Variants in CARD14 observed in about 807,000 individuals in gnomAD.
The protein encoded by CARD14 is caspase recruitment domain family member 14, also known as caspase recruitment domain-containing protein 14.
CARD14 carries 107 observed loss-of-function variants against 111.5 expected under a neutral mutation model. The ratio of observed to expected loss-of-function variants is 0.96; its 90% confidence interval spans 0.82 to 1.13. The LOEUF is 1.13. Among genes scored for constraint, CARD14 ranks in the 50% most tolerant of loss-of-function variants. CARD14 has a pLI of 0.00. For synonymous variants in CARD14, 617 were observed against 579.6 expected (o/e 1.06, Z -0.93); for missense variants, 1,322 against 1,362.3 (o/e 0.97, Z 0.47).
chr17:80,204,203 A>T (rs1247562208), intron 19 of CARD14, 24 bp from the exon 20 acceptor site: 1 of 1,564,974 alleles, frequency 6.4e-7, no homozygotes, highest in South Asian at 1.2e-5. Context: ...GCTCCTCCTC[A>T]TCCTTTCTCT....
chr17:80,178,373 CGAGTT>C (rs1437176487), intron 2 of CARD14, 130 bp from the exon 3 acceptor site: 3 of 152,234 alleles, frequency 2.0e-5, no homozygotes, highest in Non-Finnish European at 4.4e-5. Flanking sequence ...AAAGGTCCGT[CGAGTT>C]ATTTCCCGGA....
intron 23 of CARD14, among the ~76,000 whole-genome samples, 171 bp from the exon 24 acceptor site, chr17:80,207,967 C>A (rs2041432484): frequency 6.6e-6 from 1 of 152,176 alleles, no homozygotes; most frequent in Non-Finnish European, 1.5e-5. Context: ...GTGTTCTAGA[C>A]AACCTGCCTC....
rs1301087634 is a variant in CARD14 at position 80,205,189 on chromosome 17, TAAG to T, written c.2557_2559del (p.Lys853del). On this transcript the variant is annotated inframe_deletion, in exon 21 of 24. Coordinates refer to ENST00000648509, the MANE Select transcript of CARD14 (RefSeq NM_001366385.1). The stretch of plus-strand genomic sequence containing the variant: ...AGAAACTGTGCCTCCTCCAAGGGTT[TAAG>T]AAGTGCCTGGCAGGTATGCTGTTGC... The T allele has an allele frequency of 1.9e-6, 3 of 1,613,032 alleles. No individual in the cohort carries two copies. In the South Asian group the frequency reaches 3.3e-5, roughly 18 times the overall value.
In CARD14 at chr17:80,195,688, C is replaced by T. The variant is rs779985657; in HGVS notation, c.1594+36C>T. 9.0e-6 allele frequency: 14 copies of T among 1,558,306 alleles called. No homozygotes were observed. The highest frequency in any genetic ancestry group is 3.5e-5 in the Admixed American group (2 of 56,568). On this transcript the variant is annotated intron_variant, in intron 14 of 23. Coordinates refer to ENST00000648509, the MANE Select transcript of CARD14 (RefSeq NM_001366385.1). The surrounding 1 kb of genome is among the most constrained non-coding windows in gnomAD (Gnocchi z 4.7). ...CCAACCCTGAACCTCCACAGCAGTC[C>T]ACCTCCCCTGGGCAGAGCAGGGAGC...
At chr17:80,186,738 C>T (rs1433535494) in intron 7 of CARD14, among the ~76,000 whole-genome samples, 1 of 152,044 alleles carries the variant, frequency 6.6e-6, no homozygotes, top group Non-Finnish European at 1.5e-5. Flanking sequence ...TTAGTAGAGA[C>T]GGGGTTTTGC....
rs778348484 is a variant in CARD14 at position 80,205,096 on chromosome 17, G to A, written c.2460G>A (p.Arg820=). Residue 820 remains arginine, a synonymous_variant, in exon 21 of 24, where the codon CGG becomes CGA. Coordinates refer to ENST00000648509, the MANE Select transcript of CARD14 (RefSeq NM_001366385.1). Reference sequence around the variant, plus strand: ...CCCTGGTGCCCTATACCCTGGTGCGGCCCCATCGACCCGCCCGGCCCCGGC... The same window carrying A: ...CCCTGGTGCCCTATACCCTGGTGCGACCCCATCGACCCGCCCGGCCCCGGC... ...CLTLVPYTLV[R]PHRPARPRPV... The A allele has an allele frequency of 1.9e-6, 3 of 1,613,374 alleles. No homozygotes were observed. Among genetic ancestry groups the A allele is most frequent in the Admixed American group, 1.7e-5 (1 of 59,974 alleles).
chr17:80,197,201 CAAT>C (rs1390653748), intron 14 of CARD14: 2 of 150,336 alleles, frequency 1.3e-5, no homozygotes, highest in African/African-American at 2.5e-5. Flanking sequence ...GTCTCAACAA[CAAT>C]AACAACAACA....
intron 16 of CARD14, among the ~76,000 whole-genome samples, chr17:80,199,798 C>G (rs2040877508): frequency 6.6e-6 from 1 of 151,464 alleles, no homozygotes; most frequent in African/African-American, 2.4e-5. Context: ...ATCACTTGAA[C>G]CTGGGAGGCG....
chr17:80,187,604 G>A (rs547535164), intron 7 of CARD14, among the ~76,000 whole-genome samples: 3 of 152,344 alleles, frequency 2.0e-5, no homozygotes, highest in African/African-American at 4.8e-5. Flanking sequence ...TGTGCTAACC[G>A]GGTGTCGGGA....
At position 80,198,601 on chromosome 17, in the gene CARD14, G is replaced by A. The variant is rs141266944; in HGVS notation, c.1851+10G>A. 3.1e-6 allele frequency: 5 copies of A among 1,611,272 alleles called. No homozygotes were observed. In the Admixed American group the frequency reaches 6.7e-5, roughly 21 times the overall value. ...CACCCAGATTGTGATGGTGAGCCGT[G>A]CGAGGCCCCTCCTGTCCCCCGGGCT... is the stretch of plus-strand genomic sequence containing the variant. On this transcript the variant is annotated intron_variant, in intron 16 of 23. Transcript: ENST00000648509. This position sits in a 1 kb window ranked among gnomAD's most constrained non-coding sequence, Gnocchi z 7.5.
At chr17:80,177,311 A>C (rs1430586873) in intron 2 of CARD14, among the ~76,000 whole-genome samples, 1 of 151,002 alleles carries the variant, frequency 6.6e-6, no homozygotes, top group Non-Finnish European at 1.5e-5. Context: ...TCTGCAACCT[A>C]CACCTCCCAG....
Position 80,189,801 on chromosome 17 carries a change from C to T in CARD14, c.892C>T (p.Arg298Ter), listed in dbSNP as rs772958714. 95 of 1,583,764 alleles carry T rather than the reference C, an allele frequency of 6.0e-5. No homozygotes were observed. The highest frequency in any genetic ancestry group is 7.9e-5 in the Non-Finnish European group (92 of 1,169,884). The change falls in exon 9 of 24, where the codon CGA (arginine) becomes TGA (stop). Residue 298 changes from arginine to a stop codon, truncating the protein, a stop_gained. Transcript: ENST00000648509. LOFTEE classifies it high-confidence loss of function. This position sits in a 1 kb window ranked among gnomAD's most constrained non-coding sequence, Gnocchi z 4.7. ...GAGCCTGGACGAGGCGCGGGGGAGC[C>T]GACAGGAGCTGGTGGAGCGCATCCA... Reference protein sequence around the residue: ...EQSLDEARGSRQELVERIHSL... With the variant: ...EQSLDEARGS
rs144710573 is a variant in CARD14 at position 80,195,310 on chromosome 17, C to T, written c.1476C>T (p.Phe492=). Residue 492 remains phenylalanine, a synonymous_variant, in exon 13 of 24, where the codon TTC becomes TTT. Transcript: ENST00000648509. This position sits in a 1 kb window ranked among gnomAD's most constrained non-coding sequence, Gnocchi z 4.7. ...TGTACAAGCGGGTGGCCGAGGACTT[C>T]GGGGAAGAACCCTGGTCTTTCAGGT... is the stretch of plus-strand genomic sequence containing the variant. ...QSLYKRVAED[F]GEEPWSFSSC... The T allele has an allele frequency of 1.1e-3, 1,763 of 1,612,350 alleles. 17 individuals are homozygous for T. The African/African-American group carries it at 0.015, about 14-fold the overall frequency.
At position 80,196,158 on chromosome 17, in the gene CARD14, T is replaced by A. The variant is rs116978647; in HGVS notation, c.1594+506T>A. The A allele has an allele frequency of 3.0e-3, 462 of 154,254 alleles. 3 individuals are homozygous for A. The highest frequency in any genetic ancestry group is 8.2e-3 in the South Asian group (42 of 5,106). 9.6% of individuals were successfully genotyped at this position (154,254 alleles called of 1,614,324 possible). A position where few individuals can be genotyped will look rare whatever the true frequency, so the allele number is the denominator to read the frequency against. ...TCTGCTTCCCAAGTCCATGGGCCCG[T>A]CATGGGTGGGTGCCTTAATCCTTTC... On this transcript the variant is annotated intron_variant, in intron 14 of 23. Coordinates refer to ENST00000648509, the MANE Select transcript of CARD14 (RefSeq NM_001366385.1).
In CARD14 at chr17:80,208,413, C is replaced by A; in HGVS notation, c.*68C>A. The A allele has an allele frequency of 1.4e-6, 2 of 1,381,490 alleles. No homozygotes were observed. The highest frequency in any genetic ancestry group is 1.4e-5 in the South Asian group (1 of 70,796). 85.6% of individuals were successfully genotyped at this position (1,381,490 alleles called of 1,614,324 possible). On this transcript the variant is annotated 3_prime_UTR_variant, in exon 24 of 24. Transcript: ENST00000648509. Reference sequence around the variant, plus strand: ...CTGTTAATGCAGTCCTGTTCCTCAGCCCAGGCCCTCTTGGCACAGCTGTGG... The same window carrying A: ...CTGTTAATGCAGTCCTGTTCCTCAGACCAGGCCCTCTTGGCACAGCTGTGG...
intron 2 of CARD14, among the ~76,000 whole-genome samples, chr17:80,176,051 C>T (rs1262764929): frequency 7.2e-6 from 1 of 138,720 alleles, no homozygotes; most frequent in Non-Finnish European, 1.5e-5. Flanking sequence ...TCAAGCGATC[C>T]TCCTGCCTCT....
Position 80,192,570 on chromosome 17 carries a change from C to G in CARD14, c.1307C>G (p.Ala436Gly). The change falls in exon 12 of 24, where the codon GCC becomes GGC. Residue 436 changes from alanine to glycine, a missense_variant. Physicochemically the swap from Ala to Gly is moderately conservative, Grantham distance 60. Coordinates refer to ENST00000648509, the MANE Select transcript of CARD14 (RefSeq NM_001366385.1). ...AAGCAGCGGCTGGTGCGGATGCATG[C>G]CATCTGCCCCAGAGACGACAGCGAC... ...REKQRLVRMH[A>G]ICPRDDSDCS... 1.2e-6 allele frequency: 2 copies of G among 1,613,440 alleles called. No individual in the cohort carries two copies. Among genetic ancestry groups the G allele is most frequent in the Non-Finnish European group, 1.7e-6 (2 of 1,179,916 alleles).
At position 80,204,412 on chromosome 17, in the gene CARD14, G is replaced by A; in HGVS notation, c.2398+71G>A. On this transcript the variant is annotated intron_variant, in intron 20 of 23. Coordinates refer to ENST00000648509, the MANE Select transcript of CARD14 (RefSeq NM_001366385.1). ...TGAGGGGCTTTGGGAGCTGCTGCTAGTTGGTCAGCTGGGGCAGGGGGATGC... is the reference window on the plus strand; with the variant it reads ...TGAGGGGCTTTGGGAGCTGCTGCTAATTGGTCAGCTGGGGCAGGGGGATGC... 3.5e-6 allele frequency: 5 copies of A among 1,430,752 alleles called. No individual in the cohort carries two copies. In the South Asian group the frequency reaches 5.5e-5, roughly 16 times the overall value. 88.6% of individuals were successfully genotyped at this position (1,430,752 alleles called of 1,614,324 possible). A position where few individuals can be genotyped will look rare whatever the true frequency, so the allele number is the denominator to read the frequency against.
rs1233483305 is a variant in CARD14, at chr17:80,207,086, G to C, written c.2807+1G>C. On this transcript the variant is annotated splice_donor_variant, in intron 23 of 23. Coordinates refer to ENST00000648509, the MANE Select transcript of CARD14 (RefSeq NM_001366385.1). LOFTEE classifies it high-confidence loss of function. ...ACGAGAAGATGGCAAAGAAGCTCAAGTAGGTGCACGCTGGGGGCTGGGCAG... is the reference window on the plus strand; with the variant it reads ...ACGAGAAGATGGCAAAGAAGCTCAACTAGGTGCACGCTGGGGGCTGGGCAG... The C allele has an allele frequency of 6.2e-7, 1 of 1,609,972 alleles. No homozygotes were observed. The highest frequency in any genetic ancestry group is 1.1e-5 in the South Asian group (1 of 91,002).
Sources: allele counts gnomAD v4.1 joint callset (sites outside exome capture counted in the v4.1 genomes callset), GRCh38; gene constraint gnomAD v4.1.1; non-coding constraint Gnocchi (gnomAD v3.1); transcripts MANE v1.5; gene names NCBI Gene and HGNC (gene_info 2026-07-23, HGNC 2026-07-21).